AHNAK: variants seen among roughly 807,000 people sequenced by gnomAD.
AHNAK encodes the protein neuroblast differentiation-associated protein AHNAK.
In AHNAK, 23 loss-of-function variants were observed where a neutral mutation model predicts 37.8. That is an observed-to-expected ratio of 0.61 (90% confidence interval 0.44 to 0.86). AHNAK has a LOEUF of 0.86. Ranked by LOEUF, AHNAK falls within the 40% of genes least tolerant of loss-of-function variation. The probability of loss-of-function intolerance (pLI) is 0.00; values close to 1 mark genes in which losing one functional copy is unlikely to be tolerated. For synonymous variants in AHNAK, 2,481 were observed against 2,636.3 expected (o/e 0.94, Z 1.80); for missense variants, 7,411 against 7,319.4 (o/e 1.01, Z -0.46).
chr11:62,482,539 C>T (rs974587801), intron 5 of AHNAK, among the ~76,000 whole-genome samples: 2 of 152,180 alleles, frequency 1.3e-5, no homozygotes, highest in African/African-American at 2.4e-5. Context: ...CCTCAGATTC[C>T]TCCACTGCCA....
At chr11:62,538,856 C>G (rs17157379) in intron 1 of AHNAK, among the ~76,000 whole-genome samples, 5,275 of 152,284 alleles carry the variant, frequency 0.035, 315 homozygotes, top group African/African-American at 0.12. Context: ...CTTGAAGGTG[C>G]TACAGGTGAC....
Position 62,525,275 on chromosome 11 carries a change from T to C in AHNAK, c.9142A>G (p.Lys3048Glu), listed in dbSNP as rs148027446. The C allele has an allele frequency of 2.5e-6, 4 of 1,613,138 alleles. No individual in the cohort carries two copies. The African/African-American group carries it at 4.0e-5, about 16-fold the overall frequency. The change falls in exon 5 of 5, where the codon AAG (lysine) becomes GAG (glutamate). Residue 3048 changes from lysine (K) to glutamate (E), a missense_variant. Transcript: ENST00000378024. ...GGTCCTGAGACATCAAGGTCAGCCT[T>C]GGGCAGGTTCACATCCACATCTGGG... ...EGPDVDVNLP[K>E]ADLDVSGPKV...
At chr11:62,543,274 C>T (rs558127186) in intron 1 of AHNAK, among the ~76,000 whole-genome samples, 53 of 152,310 alleles carry the variant, frequency 3.5e-4, no homozygotes, top group African/African-American at 1.2e-3. Context: ...ACAACCCCTA[C>T]GGGCCCGCAG....
Position 62,527,377 on chromosome 11 carries a change from T to C in AHNAK, c.7040A>G (p.Asp2347Gly). The C allele has an allele frequency of 6.2e-7, 1 of 1,614,204 alleles. No homozygotes were observed. ...AGCATCTAATTTGGGACCTTTGACATCCAATTCTGGACCTTTTAACTCTCC... is the reference window on the plus strand; with the variant it reads ...AGCATCTAATTTGGGACCTTTGACACCCAATTCTGGACCTTTTAACTCTCC... ...LEGELKGPEL[D>G]VKGPKLDADM... Residue 2347 changes from aspartate to glycine, a missense_variant, in exon 5 of 5, where the codon GAT becomes GGT. Asp to Gly is a moderately conservative substitution (Grantham distance 94). Coordinates refer to ENST00000378024, the MANE Select transcript of AHNAK (RefSeq NM_001620.3).
rs941252844 is a variant in AHNAK at position 62,523,750 on chromosome 11, T to G, written c.10667A>C (p.Lys3556Thr). The change falls in exon 5 of 5, where the codon AAG becomes ACG. Residue 3556 changes from lysine to threonine, a missense_variant. Transcript: ENST00000378024. ...AGAAATATCCACATCACCTTTCACC[T>G]TGGGGCCTTTCAAGTTTAAGTCAAT... ...PDIDLNLKGPKVKGDVDISLP... is the reference protein window; with the variant it reads ...PDIDLNLKGPTVKGDVDISLP... 1.9e-6 allele frequency: 3 copies of G among 1,613,840 alleles called. No individual in the cohort carries two copies. Among genetic ancestry groups the G allele is most frequent in the African/African-American group, 2.7e-5 (2 of 74,834 alleles).
At chr11:62,452,819 G>A (rs1590592798) in intron 5 of AHNAK, among the ~76,000 whole-genome samples, 1 of 152,120 alleles carries the variant, frequency 6.6e-6, no homozygotes, top group Non-Finnish European at 1.5e-5. Flanking sequence ...GAGGTCAGGA[G>A]TTGGAGACCA....
intron 1 of AHNAK, among the ~76,000 whole-genome samples, chr11:62,544,852 C>A (rs1941256217): frequency 6.6e-6 from 1 of 152,172 alleles, no homozygotes; most frequent in Non-Finnish European, 1.5e-5. Context: ...TAAACGCCTT[C>A]CCCCACTCTC....
intron 5 of AHNAK, among the ~76,000 whole-genome samples, chr11:62,480,886 C>T (rs1409414876): frequency 1.3e-5 from 2 of 150,590 alleles, no homozygotes; most frequent in African/African-American, 4.9e-5. Context: ...AAGAAATGCT[C>T]GTTGCCTAGG....
At chr11:62,476,207 G>A (rs1239985184) in intron 5 of AHNAK, among the ~76,000 whole-genome samples, 1 of 152,096 alleles carries the variant, frequency 6.6e-6, no homozygotes, top group African/African-American at 2.4e-5. Flanking sequence ...GGCCAACATG[G>A]CGAAACTCCC....
At chr11:62,493,011 C>CTT (rs960994580) in intron 4 of AHNAK, among the ~76,000 whole-genome samples, 49 of 133,316 alleles carry the variant, frequency 3.7e-4, no homozygotes, top group Admixed American at 5.3e-4. Context: ...CTTTTCTTTT[C>CTT]TTTTTTTTTT....
At chr11:62,545,389 G>A (rs766875727) in intron 1 of AHNAK, among the ~76,000 whole-genome samples, 1 of 152,200 alleles carries the variant, frequency 6.6e-6, no homozygotes, top group Non-Finnish European at 1.5e-5. Flanking sequence ...GCCCTGTTTG[G>A]GCCCCTGGAG....
rs1940841211 is a variant in AHNAK at position 62,533,579 on chromosome 11, T to C, written c.838A>G (p.Ile280Val). 6.2e-7 allele frequency: 1 copy of C among 1,614,082 alleles called. No individual in the cohort carries two copies. Residue 280 changes from isoleucine (I) to valine (V), a missense_variant, in exon 5 of 5, where the codon ATT (isoleucine) becomes GTT (valine). Transcript: ENST00000378024. ...RGGVQVPAVD[I>V]SSSLGGRAVE... The stretch of plus-strand genomic sequence containing the variant: ...GCCCTACCCCCAAGAGAAGATGAAA[T>C]GTCCACTGCTGGAACTTGGACCCCT...
Position 62,506,343 on chromosome 11 carries a change from C to T in AHNAK, c.343-14512G>A, listed in dbSNP as rs186200734. On this transcript the variant is annotated intron_variant, in intron 4 of 5. Transcript: ENST00000257247. ...TGTGGGGTCGGGGGAGCTGCTGCATCCCACCCAGGAGGCCAGGAAGACTGA... is the reference window on the plus strand; with the variant it reads ...TGTGGGGTCGGGGGAGCTGCTGCATTCCACCCAGGAGGCCAGGAAGACTGA... Among the ~76,000 whole-genome samples, 1,270 of 152,162 alleles carry T rather than the reference C, an allele frequency of 8.3e-3. 27 individuals carry two copies. The highest frequency in any genetic ancestry group is 7.4e-3 in the Non-Finnish European group (506 of 68,000).
Position 62,516,706 on chromosome 11 carries a change from G to T in AHNAK, c.*38C>A. ...ACACACCACCCAAGGCTGATGTTTTGTTATATATATATATATGTACACACA... is the reference window on the plus strand; with the variant it reads ...ACACACCACCCAAGGCTGATGTTTTTTTATATATATATATATGTACACACA... On this transcript the variant is annotated 3_prime_UTR_variant, in exon 5 of 5. Coordinates refer to ENST00000378024, the MANE Select transcript of AHNAK (RefSeq NM_001620.3). 6.5e-7 allele frequency: 1 copy of T among 1,538,400 alleles called. No individual in the cohort carries two copies.
chr11:62,450,334 A>G (rs1204699223), intron 5 of AHNAK, among the ~76,000 whole-genome samples: 2 of 150,724 alleles, frequency 1.3e-5, no homozygotes, highest in African/African-American at 4.9e-5. Flanking sequence ...TTTTTTTTGT[A>G]TTTGTTGTTG....
Position 62,517,819 on chromosome 11 carries a change from C to A in AHNAK, c.16598G>T (p.Gly5533Val), listed in dbSNP as rs780471582. The A allele has an allele frequency of 6.2e-7, 1 of 1,614,066 alleles. No individual in the cohort carries two copies. The change falls in exon 5 of 5, where the codon GGT becomes GTT. Residue 5533 changes from glycine to valine, a missense_variant. By Grantham distance (109) the Gly-to-Val change is moderately radical (BLOSUM62 -3). Transcript: ENST00000378024. ...IKGGLKGSEV[G>V]FHGAAPDISV... ...GATATCAGGAGCAGCCCCATGGAAACCTACTTCTGAACCTTTCAGACCACC... is the reference window on the plus strand; with the variant it reads ...GATATCAGGAGCAGCCCCATGGAAAACTACTTCTGAACCTTTCAGACCACC...
Position 62,451,108 on chromosome 11 carries a change from T to A in AHNAK, c.443-17217A>T, listed in dbSNP as rs560114446. Among the ~76,000 whole-genome samples, 3 of 148,664 alleles carry A rather than the reference T, an allele frequency of 2.0e-5. No homozygotes were observed. In the Admixed American group the frequency reaches 2.0e-4, roughly 10 times the overall value. On this transcript the variant is annotated intron_variant, in intron 5 of 5. Transcript: ENST00000257247. ...CTTTTTTTTTTTTTTTGATACCGAG[T>A]CTCAGTCTGTCACTCAGGCTAGAGT...
chr11:62,527,297 A>T lies in AHNAK; in HGVS notation c.7120T>A (p.Phe2374Ile). The stretch of plus-strand genomic sequence containing the variant: ...TTAAAGTGCATATCTGGCATCTTGA[A>T]CTTAGGAGTTTTCCACTTGCCATTT... ...GPNGKWKTPK[F>I]KMPDMHFKAP... The change falls in exon 5 of 5, where the codon TTC (phenylalanine) becomes ATC (isoleucine). Residue 2374 changes from phenylalanine (F) to isoleucine (I), a missense_variant. Physicochemically the swap from Phe to Ile is conservative, Grantham distance 21. Transcript: ENST00000378024. 3.7e-6 allele frequency: 6 copies of T among 1,613,684 alleles called. No homozygotes were observed. Among genetic ancestry groups the T allele is most frequent in the African/African-American group, 1.3e-5 (1 of 74,916 alleles).
chr11:62,536,012 G>C lies in AHNAK; in HGVS notation c.87C>G (p.Asp29Glu). Residue 29 changes from aspartate (D) to glutamate (E), a missense_variant, in exon 3 of 5, where the codon GAC (aspartate) becomes GAG (glutamate). Coordinates refer to ENST00000378024, the MANE Select transcript of AHNAK (RefSeq NM_001620.3). ...TCACCTCCTGCACAAAGACGCCGTC[G>C]TCCCTCTGGGCGATGGTCAGCCCGT... ...GSHGLTIAQR[D>E]DGVFVQEVTQ... The C allele has an allele frequency of 6.2e-7, 1 of 1,612,764 alleles. No individual in the cohort carries two copies. Among genetic ancestry groups the C allele is most frequent in the Non-Finnish European group, 8.5e-7 (1 of 1,179,386 alleles).
Sources: gnomAD v4.1 joint callset for allele counts (sites outside exome capture counted in the v4.1 genomes callset) on GRCh38, gnomAD v4.1.1 for gene constraint, MANE v1.5 for transcripts, NCBI Gene and HGNC (gene_info 2026-07-23, HGNC 2026-07-21) for gene names.